The following TVP23A variants were observed in gnomAD, a reference collection of about 807,000 sequenced individuals.
The protein encoded by TVP23A is trans-golgi network vesicle protein 23 homolog A.
Under a neutral mutation model 31.7 loss-of-function variants are expected in TVP23A, and 21 were observed. The observed-to-expected ratio is 0.66, with a 90% CI of 0.47 to 0.95. The LOEUF (loss-of-function observed/expected upper bound fraction) is 0.95, where lower values mean the gene tolerates loss of function less well. TVP23A is among the 40% of genes least tolerant of loss of function. TVP23A has a pLI of 0.00. For missense variants in TVP23A, 279 were observed against 255.6 expected (o/e 1.09, Z -0.62); for synonymous variants, 104 against 96.0 (o/e 1.08, Z -0.49).
chr16:10,802,427 G>A (rs907905691), intron 2 of TVP23A, among the ~76,000 whole-genome samples: 4 of 151,856 alleles, frequency 2.6e-5, no homozygotes, highest in African/African-American at 7.3e-5. Flanking sequence ...TTACAAGCAT[G>A]TGCCATCATG....
At chr16:10,788,428 C>T (rs1432831423) in intron 2 of TVP23A, among the ~76,000 whole-genome samples, 2 of 152,092 alleles carry the variant, frequency 1.3e-5, no homozygotes, top group Non-Finnish European at 2.9e-5. Context: ...GCGCCCGCCA[C>T]CACACCCGGC....
intron 2 of TVP23A, chr16:10,775,370 C>T (rs962903121): frequency 4.9e-6 from 6 of 1,231,228 alleles, no homozygotes; most frequent in Admixed American, 7.9e-5. Context: ...TTGCCCTCTT[C>T]GAAACACGGT....
chr16:10,759,418 C>T (rs925107834), downstream of TVP23A, among the ~76,000 whole-genome samples: 1 of 152,150 alleles, frequency 6.6e-6, no homozygotes, highest in Non-Finnish European at 1.5e-5. This position sits in a 1 kb window ranked among gnomAD's most constrained non-coding sequence, Gnocchi z 4.7. Flanking sequence ...TGGCCTGGCC[C>T]GGGTGATGGC....
chr16:10,774,991 C>G lies in TVP23A; in HGVS notation c.195G>C (p.Met65Ile). The G allele has an allele frequency of 1.2e-6, 2 of 1,612,914 alleles. No individual in the cohort carries two copies. The highest frequency in any genetic ancestry group is 2.2e-5 in the South Asian group (2 of 90,856). ...FSKSFVGCFV[M>I]VLLLLSLDFW... Reference sequence around the variant, plus strand: ...AGTCCAGGGACAGGAGGAGCAGCACCATGACAAAACAGCCCACAAAGCTCT... The same window carrying G: ...AGTCCAGGGACAGGAGGAGCAGCACGATGACAAAACAGCCCACAAAGCTCT... The change falls in exon 3 of 8, where the codon ATG becomes ATC. Residue 65 changes from methionine (M) to isoleucine (I), a missense_variant. Physicochemically the swap from Met to Ile is conservative, Grantham distance 10. Coordinates refer to ENST00000299866, the MANE Select transcript of TVP23A (RefSeq NM_001079512.4).
Position 10,768,985 on chromosome 16 carries a change from G to A in TVP23A, c.*117C>T, listed in dbSNP as rs1283812389. The stretch of plus-strand genomic sequence containing the variant: ...CAAAACACAGCCCTCCCCAGCACAG[G>A]ACAGGGCTGTCAAGGGGTAGACAAG... On this transcript the variant is annotated 3_prime_UTR_variant, in exon 8 of 8. Transcript: ENST00000299866. This position sits in a 1 kb window ranked among gnomAD's most constrained non-coding sequence, Gnocchi z 4.3. 3 of 1,479,790 alleles carry A rather than the reference G, an allele frequency of 2.0e-6. No homozygotes were observed. Among genetic ancestry groups the A allele is most frequent in the Non-Finnish European group, 2.8e-6 (3 of 1,058,216 alleles). The allele number at this position is 1,479,790 out of a possible 1,614,324, so 91.7% of individuals were successfully genotyped here.
rs1423666881 is a variant in TVP23A at position 10,808,412 on chromosome 16, C to T, written c.89+9691G>A. The T allele has an allele frequency of 9.8e-6, 4 of 406,150 alleles. No homozygotes were observed. The Admixed American group carries it at 1.1e-4, about 12-fold the overall frequency. 25.2% of individuals were successfully genotyped at this position (406,150 alleles called of 1,614,324 possible). A position where few individuals can be genotyped will look rare whatever the true frequency, so the allele number is the denominator to read the frequency against. On this transcript the variant is annotated intron_variant, in intron 2 of 7. Transcript: ENST00000299866. ...ACGTGTTTGCCTGAAGACCTGAGCCCACTAACATGTGATTTCCTGTAGTGT... is the reference window on the plus strand; with the variant it reads ...ACGTGTTTGCCTGAAGACCTGAGCCTACTAACATGTGATTTCCTGTAGTGT...
chr16:10,793,425 C>T (rs1281906835), intron 2 of TVP23A, among the ~76,000 whole-genome samples: 2 of 152,098 alleles, frequency 1.3e-5, no homozygotes, highest in Non-Finnish European at 2.9e-5. Flanking sequence ...TGGCTTCTAA[C>T]CCTTCACCCT....
At chr16:10,795,750 A>T (rs1761954226) in intron 2 of TVP23A, among the ~76,000 whole-genome samples, 1 of 152,152 alleles carries the variant, frequency 6.6e-6, no homozygotes, top group African/African-American at 2.4e-5. Context: ...CACAAATGAA[A>T]TGATAGAGTC....
At chr16:10,782,353 T>G (rs1257276966) in intron 2 of TVP23A, among the ~76,000 whole-genome samples, 1 of 152,200 alleles carries the variant, frequency 6.6e-6, no homozygotes, top group African/African-American at 2.4e-5. Context: ...CTTGCTGGCC[T>G]GCCCCTTGCT....
At chr16:10,814,658 A>G (rs1250729046) in intron 2 of TVP23A, among the ~76,000 whole-genome samples, 1 of 152,196 alleles carries the variant, frequency 6.6e-6, no homozygotes, top group Non-Finnish European at 1.5e-5. Flanking sequence ...TGCCCTGCCC[A>G]ATGCCACAGC....
chr16:10,761,234 C>T (rs903084594), exon 9 of TVP23A: 4 of 754,706 alleles, frequency 5.3e-6, no homozygotes, highest in Non-Finnish European at 8.6e-6. Context: ...AGAGCCAAAC[C>T]CTATCAGGGC....
intron 2 of TVP23A, among the ~76,000 whole-genome samples, chr16:10,811,445 T>C (rs1417837255): frequency 2.0e-5 from 3 of 151,996 alleles, no homozygotes; most frequent in African/African-American, 4.8e-5. Flanking sequence ...CTTTTTGTAT[T>C]TTCTGTAGAT....
At chr16:10,791,563 G>A (rs557861069) in intron 2 of TVP23A, among the ~76,000 whole-genome samples, 1 of 152,168 alleles carries the variant, frequency 6.6e-6, no homozygotes, top group Non-Finnish European at 1.5e-5. Flanking sequence ...AATAGGAAAA[G>A]GCTACCTCGG....
Position 10,767,000 on chromosome 16 carries a change from TC to T in TVP23A, c.*2101del, listed in dbSNP as rs1333142136. The T allele has an allele frequency of 1.8e-5, 7 of 398,756 alleles. No homozygotes were observed. In the East Asian group the frequency reaches 2.1e-4, roughly 12 times the overall value. 24.7% of individuals were successfully genotyped at this position (398,756 alleles called of 1,614,324 possible). A position where few individuals can be genotyped will look rare whatever the true frequency, so the allele number is the denominator to read the frequency against. ...CACCAACCCCTCCCCACAGGCTTCTTCCCCGACTTGGACTTCCCTGTCCCAC... is the reference window on the plus strand; with the variant it reads ...CACCAACCCCTCCCCACAGGCTTCTTCCCGACTTGGACTTCCCTGTCCCAC... On this transcript the variant is annotated 3_prime_UTR_variant, in exon 8 of 8. Transcript: ENST00000299866. The surrounding 1 kb of genome is among the most constrained non-coding windows in gnomAD (Gnocchi z 4.8).
chr16:10,783,531 C>T (rs188853021), intron 2 of TVP23A, among the ~76,000 whole-genome samples: 7 of 152,146 alleles, frequency 4.6e-5, no homozygotes, highest in African/African-American at 1.4e-4. Flanking sequence ...CAAAATTTAG[C>T]CGGGCGTGGT....
chr16:10,770,141 G>A (rs977854861), intron 7 of TVP23A, 131 bp downstream of exon 7: 6 of 1,150,058 alleles, frequency 5.2e-6, no homozygotes, highest in Non-Finnish European at 7.3e-6. Flanking sequence ...TCTGCTTCCT[G>A]CCTGGTCACA....
At chr16:10,771,610 C>T in intron 6 of TVP23A, 60 bp downstream of exon 6, 1 of 1,599,792 alleles carries the variant, frequency 6.3e-7, no homozygotes, top group African/African-American at 1.3e-5. Context: ...TGCCAGCAGG[C>T]CACCTTGACT....
intron 5 of TVP23A, 78 bp from the exon 6 acceptor site, chr16:10,771,876 A>G (rs2031651344): frequency 6.6e-7 from 1 of 1,511,904 alleles, no homozygotes; most frequent in East Asian, 2.5e-5. Flanking sequence ...TGGGGTGCAG[A>G]GGCACGATCT....
chr16:10,765,484 G>C (rs557864166), downstream of TVP23A, among the ~76,000 whole-genome samples: 144 of 152,188 alleles, frequency 9.5e-4, 1 homozygote, highest in African/African-American at 3.4e-3. This position sits in a 1 kb window ranked among gnomAD's most constrained non-coding sequence, Gnocchi z 4.0. Context: ...CTCCAGCCTG[G>C]GCGACAGAGC....
Sources: gnomAD v4.1 joint callset for allele counts (sites outside exome capture counted in the v4.1 genomes callset) on GRCh38, gnomAD v4.1.1 for gene constraint, Gnocchi (gnomAD v3.1) non-coding constraint, MANE v1.5 for transcripts, NCBI Gene and HGNC (gene_info 2026-07-23, HGNC 2026-07-21) for gene names.